The following RPL35A variants were observed in gnomAD, a reference collection of about 807,000 sequenced individuals.
RPL35A encodes large ribosomal subunit protein eL33.
A neutral mutation model predicts 16.7 loss-of-function variants in RPL35A; 1 was observed. The observed-to-expected ratio is 0.06, with a 90% CI of 0.02 to 0.28. The LOEUF is 0.28. Among genes scored for constraint, RPL35A ranks in the 10% least tolerant of loss-of-function variants. The pLI is 1.00. For missense variants in RPL35A, 91 were observed against 138.7 expected, an observed-to-expected ratio of 0.66 and a Z score of 1.73; for synonymous variants, 58 against 47.0, an observed-to-expected ratio of 1.23 and a Z score of -0.96.
chr3:197,955,735 C>G lies in RPL35A; in HGVS notation c.310-15C>G. The G allele has an allele frequency of 6.3e-7, 1 of 1,597,354 alleles. No homozygotes were observed. On this transcript the variant is annotated splice_polypyrimidine_tract_variant and intron_variant, in intron 4 of 4. Coordinates refer to ENST00000647248, the MANE Select transcript of RPL35A (RefSeq NM_000996.4). ...TAACATTCACCTAATGTTTTGTGTT[C>G]TTTTTTCCCTGCAGATGCTGTACCC...
intron 1 of RPL35A, chr3:197,950,565 A>G (rs1484227791): frequency 3.0e-6 from 1 of 331,364 alleles, no homozygotes; most frequent in Non-Finnish European, 5.5e-6. Flanking sequence ...CTCTTTCCTC[A>G]GCTTTTCTCC....
At position 197,955,785 on chromosome 3, in the gene RPL35A, A is replaced by G. The variant is rs746218672; in HGVS notation, c.*12A>G. ...CCTCAAGGATTTAAACTAACGAAAA[A>G]TCAATAAATAAATGTGGATTTGTGC... On this transcript the variant is annotated 3_prime_UTR_variant, in exon 5 of 5. Coordinates refer to ENST00000647248, the MANE Select transcript of RPL35A (RefSeq NM_000996.4). 6 of 1,595,976 alleles carry G rather than the reference A, an allele frequency of 3.8e-6. No individual in the cohort carries two copies. Among genetic ancestry groups the G allele is most frequent in the African/African-American group, 2.7e-5 (2 of 74,506 alleles).
At chr3:197,954,274 G>A in intron 4 of RPL35A, 127 bp downstream of exon 4, 1 of 910,172 alleles carries the variant, frequency 1.1e-6, no homozygotes, top group Non-Finnish European at 1.8e-6. Context: ...CAAAATTTGT[G>A]TATTGCAGAA....
rs1282822073 is a variant in RPL35A, at chr3:197,953,114, A to G, written c.165-889A>G. Among the ~76,000 whole-genome samples the G allele has an allele frequency of 2.0e-5, 3 of 152,360 alleles. No individual in the cohort carries two copies. In the East Asian group the frequency reaches 5.8e-4, roughly 29 times the overall value. ...GTGCCATTGCACCTTAGCCTGGACAACAAGAGCAAATCCTATTGTCTTCAC... is the reference window on the plus strand; with the variant it reads ...GTGCCATTGCACCTTAGCCTGGACAGCAAGAGCAAATCCTATTGTCTTCAC... On this transcript the variant is annotated intron_variant, in intron 3 of 4. Coordinates refer to ENST00000647248, the MANE Select transcript of RPL35A (RefSeq NM_000996.4).
chr3:197,953,045 C>T (rs1011403403), intron 3 of RPL35A, among the ~76,000 whole-genome samples: 3 of 151,740 alleles, frequency 2.0e-5, no homozygotes, highest in Admixed American at 1.3e-4. Flanking sequence ...GTGATCCACC[C>T]GCCCCAGCCT....
rs767189189 is a variant in RPL35A, at chr3:197,955,720, CTAATGTTT to C, written c.310-28_310-21del. On this transcript the variant is annotated intron_variant, in intron 4 of 4. Coordinates refer to ENST00000647248, the MANE Select transcript of RPL35A (RefSeq NM_000996.4). ...TTGTAGACGTATATATAACATTCACCTAATGTTTTGTGTTCTTTTTTCCCTGCAGATGC... is the reference window on the plus strand; with the variant it reads ...TTGTAGACGTATATATAACATTCACCTGTGTTCTTTTTTCCCTGCAGATGC... 30 of 1,565,508 alleles carry C rather than the reference CTAATGTTT, an allele frequency of 1.9e-5. No homozygotes were observed. In the Admixed American group the frequency reaches 5.0e-4, roughly 26 times the overall value.
In RPL35A at chr3:197,950,215, T is replaced by C. The variant is rs997676385; in HGVS notation, c.-39T>C. 1.6e-6 allele frequency: 2 copies of C among 1,231,308 alleles called. No individual in the cohort carries two copies. The highest frequency in any genetic ancestry group is 4.1e-5 in the South Asian group (1 of 24,176). The allele number at this position is 1,231,308 out of a possible 1,614,324, so 76.3% of individuals were successfully genotyped here. On this transcript the variant is annotated 5_prime_UTR_variant, in exon 1 of 5. Transcript: ENST00000647248. The stretch of plus-strand genomic sequence containing the variant: ...CTTCTCTTACCGCCATCTTGGCTCC[T>C]GTGGAGGTGAGTGAAGGGTCTGCTG...
intron 3 of RPL35A, among the ~76,000 whole-genome samples, chr3:197,953,103 T>C (rs1377505191): frequency 6.6e-6 from 1 of 152,244 alleles, no homozygotes; most frequent in Non-Finnish European, 1.5e-5. Context: ...CATTGCACCT[T>C]AGCCTGGACA....
chr3:197,951,548 T>G, intron 3 of RPL35A: 2 of 487,480 alleles, frequency 4.1e-6, no homozygotes, highest in East Asian at 4.0e-5. Context: ...AGACAGGGTA[T>G]TGCCATGTTG....
chr3:197,955,833 A>G lies in RPL35A; in HGVS notation c.*60A>G. 2 of 1,346,770 alleles carry G rather than the reference A, an allele frequency of 1.5e-6. No individual in the cohort carries two copies. Among genetic ancestry groups the G allele is most frequent in the South Asian group, 2.3e-5 (2 of 85,572 alleles). 83.4% of individuals were successfully genotyped at this position (1,346,770 alleles called of 1,614,324 possible). A position where few individuals can be genotyped will look rare whatever the true frequency, so the allele number is the denominator to read the frequency against. ...TGCTCTTGTATTTTTAAGTGGATTA[A>G]AAAACTTACTACCTTAAATTGATTT... On this transcript the variant is annotated 3_prime_UTR_variant, in exon 5 of 5. Transcript: ENST00000647248.
chr3:197,950,313 T>C (rs1719947363), intron 1 of RPL35A, 92 bp downstream of exon 1: 1 of 1,229,222 alleles, frequency 8.1e-7, no homozygotes, highest in South Asian at 4.2e-5. Context: ...CGTATCGGAG[T>C]CTCTGCCAGC....
chr3:197,956,170 T>A lies in RPL35A; in HGVS notation c.*397T>A. The A allele has an allele frequency of 4.2e-6, 1 of 236,552 alleles. No homozygotes were observed. The highest frequency in any genetic ancestry group is 8.5e-6 in the Non-Finnish European group (1 of 118,190). 14.7% of individuals were successfully genotyped at this position (236,552 alleles called of 1,614,324 possible). On this transcript the variant is annotated 3_prime_UTR_variant, in exon 5 of 5. Coordinates refer to ENST00000647248, the MANE Select transcript of RPL35A (RefSeq NM_000996.4). ...GGGTCTGACTCTTGCCTATGCTGGCTTCAAACTCCTGGGCTCAAGCAATCC... is the reference window on the plus strand; with the variant it reads ...GGGTCTGACTCTTGCCTATGCTGGCATCAAACTCCTGGGCTCAAGCAATCC...
intron 3 of RPL35A, chr3:197,953,661 G>A (rs1276943867): frequency 2.3e-6 from 1 of 438,676 alleles, no homozygotes; most frequent in Admixed American, 2.8e-5. Context: ...AAAATGGCAG[G>A]TAATTCCTCC....
At chr3:197,953,674 T>G (rs1012621154) in intron 3 of RPL35A, 8 of 439,858 alleles carry the variant, frequency 1.8e-5, no homozygotes, top group African/African-American at 1.6e-4. Flanking sequence ...ATTCCTCCTT[T>G]CTGTACACAC....
At chr3:197,953,765 C>G (rs1720311862) in intron 3 of RPL35A, 1 of 585,772 alleles carries the variant, frequency 1.7e-6, no homozygotes, top group African/African-American at 1.9e-5. Context: ...TTTCCTTAAA[C>G]TTACTTGGTT....
intron 3 of RPL35A, among the ~76,000 whole-genome samples, chr3:197,952,197 A>C (rs1294281929): frequency 5.3e-4 from 51 of 96,766 alleles, no homozygotes; most frequent in South Asian, 4.5e-3. Context: ...TTGGAGACGG[A>C]GTCTCACTGT....
At position 197,950,217 on chromosome 3, in the gene RPL35A, T is replaced by G. The variant is rs886058265; in HGVS notation, c.-37T>G. 2.6e-5 allele frequency: 32 copies of G among 1,231,324 alleles called. No homozygotes were observed. In the South Asian group the frequency reaches 1.1e-3, roughly 41 times the overall value. 76.3% of individuals were successfully genotyped at this position (1,231,324 alleles called of 1,614,324 possible). A position where few individuals can be genotyped will look rare whatever the true frequency, so the allele number is the denominator to read the frequency against. ...TCTCTTACCGCCATCTTGGCTCCTG[T>G]GGAGGTGAGTGAAGGGTCTGCTGCT... On this transcript the variant is annotated 5_prime_UTR_variant, in exon 1 of 5. Coordinates refer to ENST00000647248, the MANE Select transcript of RPL35A (RefSeq NM_000996.4).
chr3:197,953,207 C>T (rs562546104), intron 3 of RPL35A, among the ~76,000 whole-genome samples: 29 of 152,262 alleles, frequency 1.9e-4, no homozygotes, highest in African/African-American at 6.0e-4. Flanking sequence ...CTTCTACAGC[C>T]AATGTGTTCC....
intron 1 of RPL35A, chr3:197,950,523 A>G (rs2109802343): frequency 3.3e-6 from 1 of 303,866 alleles, no homozygotes; most frequent in Non-Finnish European, 5.9e-6. Flanking sequence ...GTTTCCTCCC[A>G]GTCCATACCT....
Sources: allele counts gnomAD v4.1 joint callset (sites outside exome capture counted in the v4.1 genomes callset), GRCh38; gene constraint gnomAD v4.1.1; transcripts MANE v1.5; gene names NCBI Gene and HGNC (gene_info 2026-07-23, HGNC 2026-07-21).